The following SEC16B variants were observed in gnomAD, a reference collection of about 807,000 sequenced individuals.
The protein encoded by SEC16B is protein transport protein Sec16B.
Under a neutral mutation model 141.8 loss-of-function variants are expected in SEC16B, and 115 were observed. The observed-to-expected ratio is 0.81, with a 90% CI of 0.70 to 0.95. The LOEUF (loss-of-function observed/expected upper bound fraction) is 0.95, where lower values mean the gene tolerates loss of function less well. SEC16B is among the 40% of genes least tolerant of loss of function. The pLI is 0.00. For missense variants in SEC16B, 1,291 were observed against 1,312.3 expected, an observed-to-expected ratio of 0.98 and a Z score of 0.25; for synonymous variants, 493 against 492.5, an observed-to-expected ratio of 1.00 and a Z score of -0.01.
rs1450974109 is a variant in SEC16B, at chr1:177,964,235, G to A, written c.578C>T (p.Ser193Phe). Residue 193 changes from serine (S) to phenylalanine (F), a missense_variant, in exon 5 of 26, where the codon TCT (serine) becomes TTT (phenylalanine). This residue lies in a region of SEC16B where 681 missense variants were observed against 675.5 expected (regional missense o/e 1.01). Transcript: ENST00000308284. ...NPCKDSPASN[S>F]GQEWPGELFP... ...CAGCTCCCCCGGCCACTCCTGTCCAGAGTTGGAAGCAGGGCTGTCTTTACA... is the reference window on the plus strand; with the variant it reads ...CAGCTCCCCCGGCCACTCCTGTCCAAAGTTGGAAGCAGGGCTGTCTTTACA... The A allele has an allele frequency of 2.5e-6, 4 of 1,613,762 alleles. No individual in the cohort carries two copies. The highest frequency in any genetic ancestry group is 1.7e-6 in the Non-Finnish European group (2 of 1,179,756).
intron 1 of SEC16B, among the ~76,000 whole-genome samples, chr1:177,976,119 C>A (rs1295558338): frequency 1.3e-5 from 2 of 152,182 alleles, no homozygotes; most frequent in African/African-American, 2.4e-5. Context: ...GTGGTTGCAC[C>A]CACAAAGGAC....
chr1:177,939,939 G>C (rs1476503822), intron 17 of SEC16B, among the ~76,000 whole-genome samples, 162 bp from the exon 18 acceptor site: 1 of 152,174 alleles, frequency 6.6e-6, no homozygotes, highest in Non-Finnish European at 1.5e-5. Flanking sequence ...CACGTGGACA[G>C]GGCTCCCAGC....
chr1:177,937,626 G>A (rs951124768), intron 18 of SEC16B, 113 bp from the exon 19 acceptor site: 14 of 924,510 alleles, frequency 1.5e-5, no homozygotes, highest in Middle Eastern at 3.3e-4. Context: ...TCACAAGGAC[G>A]AGCTGTCTAA....
At chr1:177,948,995 T>G (rs1324740059) in intron 12 of SEC16B, among the ~76,000 whole-genome samples, 1 of 151,530 alleles carries the variant, frequency 6.6e-6, no homozygotes, top group Non-Finnish European at 1.5e-5. Flanking sequence ...CATAGCCGCC[T>G]ACCTTCCAAT....
chr1:177,968,141 A>G (rs1653704314), intron 1 of SEC16B, 102 bp from the exon 2 acceptor site: 1 of 647,742 alleles, frequency 1.5e-6, no homozygotes, highest in Admixed American at 3.0e-5. Flanking sequence ...TCCTCGAAAT[A>G]TATCTAAAAC....
intron 20 of SEC16B, among the ~76,000 whole-genome samples, chr1:177,935,841 T>G (rs1557967883): frequency 6.6e-6 from 1 of 152,154 alleles, no homozygotes; most frequent in Non-Finnish European, 1.5e-5. Context: ...CTAGATGGAA[T>G]GATTCACCAG....
chr1:177,966,677 C>T (rs1310795594), intron 2 of SEC16B, among the ~76,000 whole-genome samples: 2 of 151,974 alleles, frequency 1.3e-5, no homozygotes, highest in Non-Finnish European at 2.9e-5. Flanking sequence ...GTGATTCTCC[C>T]GTCTCTACCC....
At position 177,951,990 on chromosome 1, in the gene SEC16B, G is replaced by A. The variant is rs1400317057; in HGVS notation, c.1469C>T (p.Thr490Ile). The A allele has an allele frequency of 1.3e-6, 2 of 1,599,702 alleles. No individual in the cohort carries two copies. Among genetic ancestry groups the A allele is most frequent in the Non-Finnish European group, 1.7e-6 (2 of 1,173,438 alleles). The change falls in exon 12 of 26, where the codon ACC (threonine) becomes ATC (isoleucine). Residue 490 changes from threonine to isoleucine, a missense_variant. This residue lies in a region of SEC16B where 681 missense variants were observed against 675.5 expected (regional missense o/e 1.01). Transcript: ENST00000308284. ...TGGGTCATTGAGCGCCAGCGTGCTG[G>A]TGAAGCTGCGGAGAGAAGGATAGTC... ...QTYSWVMSGF[T>I]STLALNDPLQ...
intron 5 of SEC16B, 122 bp from the exon 6 acceptor site, chr1:177,961,856 T>A: frequency 1.0e-6 from 1 of 960,878 alleles, no homozygotes; most frequent in Non-Finnish European, 1.6e-6. Flanking sequence ...TAAAAAGAGA[T>A]AATCAAGTTG....
In SEC16B at chr1:177,933,366, A is replaced by G. The variant is rs1650595626; in HGVS notation, c.2725-54T>C. 2.6e-6 allele frequency: 4 copies of G among 1,559,302 alleles called. No individual in the cohort carries two copies. The African/African-American group carries it at 4.1e-5, about 16-fold the overall frequency. On this transcript the variant is annotated intron_variant, in intron 21 of 25. Coordinates refer to ENST00000308284, the MANE Select transcript of SEC16B (RefSeq NM_033127.4). ...CTGCAGGTTGGCTTCTTCCCCAACT[A>G]TGAGGTTAACCCGCCCCCATGTAAC...
Position 177,969,244 on chromosome 1 carries a change from A to C in SEC16B, c.-59+640T>G, listed in dbSNP as rs1653788468. Among the ~76,000 whole-genome samples the C allele has an allele frequency of 2.0e-5, 3 of 152,150 alleles. No individual in the cohort carries two copies. In the South Asian group the frequency reaches 6.2e-4, roughly 31 times the overall value. On this transcript the variant is annotated intron_variant, in intron 1 of 25. Transcript: ENST00000308284. ...GAGTGGGTGTTGAAATTGAGACGTC[A>C]CTCTGCTCAAACACCAGGGAGCCGA...
intron 14 of SEC16B, among the ~76,000 whole-genome samples, chr1:177,944,909 T>C (rs1247809257): frequency 2.0e-5 from 3 of 152,092 alleles, no homozygotes; most frequent in Non-Finnish European, 4.4e-5. Flanking sequence ...CCAGAGGCAC[T>C]GGGAGGCGGA....
intron 6 of SEC16B, 64 bp downstream of exon 6, chr1:177,961,526 A>G: frequency 5.2e-6 from 8 of 1,533,908 alleles, no homozygotes; most frequent in Non-Finnish European, 7.0e-6. Flanking sequence ...ACTTTCCCAG[A>G]GACTTGCCAC....
Position 177,965,148 on chromosome 1 carries a change from A to G in SEC16B, c.432T>C (p.Pro144=). 1 of 1,613,592 alleles carries G rather than the reference A, an allele frequency of 6.2e-7. No homozygotes were observed. The highest frequency in any genetic ancestry group is 8.5e-7 in the Non-Finnish European group (1 of 1,179,746). Residue 144 remains proline, a synonymous_variant, in exon 4 of 26, where the codon CCT becomes CCC. Transcript: ENST00000308284. ...CTCGGTAATCTTCGTGCCAGATATA[A>G]GGACTCCGTTGCCTTGGCACTGCAC... ...QEERVPRQRS[P]YIWHEDYREQ...
chr1:177,974,124 T>A (rs1317939952), upstream of SEC16B, among the ~76,000 whole-genome samples: 1 of 72,544 alleles, frequency 1.4e-5, no homozygotes, highest in African/African-American at 8.3e-5. Flanking sequence ...AAATGCTACC[T>A]TTTTTTTTTA....
In SEC16B at chr1:177,958,827, G is replaced by A. The variant is rs557166513; in HGVS notation, c.1134+13C>T. On this transcript the variant is annotated intron_variant, in intron 9 of 25. Coordinates refer to ENST00000308284, the MANE Select transcript of SEC16B (RefSeq NM_033127.4). ...TCAGCCTGCACCTGCTCTCCCACCA[G>A]AACAGAACTTACCCCATTCTGGCGA... is the stretch of plus-strand genomic sequence containing the variant. 5.6e-6 allele frequency: 9 copies of A among 1,611,134 alleles called. No individual in the cohort carries two copies. Among genetic ancestry groups the A allele is most frequent in the Non-Finnish European group, 7.6e-6 (9 of 1,178,190 alleles).
At chr1:177,960,021 G>A (rs569570431) in intron 8 of SEC16B, 18 of 338,544 alleles carry the variant, frequency 5.3e-5, no homozygotes, top group Admixed American at 1.3e-4. Context: ...CTTCCCAGGC[G>A]ATGCTCCACT....
At chr1:177,979,151 TA>T (rs1455738493) in intron 1 of SEC16B, among the ~76,000 whole-genome samples, 2 of 152,176 alleles carry the variant, frequency 1.3e-5, no homozygotes, top group Non-Finnish European at 2.9e-5. Flanking sequence ...TGTAATATAG[TA>T]ATATATTTAA....
At chr1:177,931,669 A>G (rs1211039936) in intron 24 of SEC16B, among the ~76,000 whole-genome samples, 1 of 152,328 alleles carries the variant, frequency 6.6e-6, no homozygotes, top group East Asian at 1.9e-4. Context: ...AGTGGAAACA[A>G]CCAACCCCTG....
Sources: allele counts gnomAD v4.1 joint callset (sites outside exome capture counted in the v4.1 genomes callset), GRCh38; gene constraint gnomAD v4.1.1; regional missense constraint gnomAD v4.1.1; transcripts MANE v1.5; gene names NCBI Gene and HGNC (gene_info 2026-07-23, HGNC 2026-07-21).